Variants in MTRR observed in about 807,000 individuals in gnomAD.
The protein encoded by MTRR is methionine synthase reductase.
A neutral mutation model predicts 79.2 loss-of-function variants in MTRR; 63 were observed. The observed-to-expected ratio is 0.80, with a 90% CI of 0.65 to 0.98. The LOEUF is 0.98. Ranked by LOEUF, MTRR falls within the 50% of genes least tolerant of loss-of-function variation. The pLI is 0.00. For synonymous variants in MTRR, 355 were observed against 313.3 expected, an observed-to-expected ratio of 1.13 and a Z score of -1.41; for missense variants, 895 against 839.6, an observed-to-expected ratio of 1.07 and a Z score of -0.82.
chr5:7,873,713 G>C (rs911630607), intron 3 of MTRR, among the ~76,000 whole-genome samples, 187 bp downstream of exon 3: 4 of 152,234 alleles, frequency 2.6e-5, no homozygotes, highest in Non-Finnish European at 4.4e-5. Context: ...CTTTACCCCA[G>C]AGCCACACCT....
At position 7,873,503 on chromosome 5, in the gene MTRR, C is replaced by G; in HGVS notation, c.260C>G (p.Ala87Gly). The change falls in exon 3 of 15, where the codon GCT becomes GGT. Residue 87 changes from alanine to glycine, a missense_variant. Transcript: ENST00000440940. ...QNQTLPVDFF[A>G]HLRYGLLGLG... is the part of the protein sequence containing the mutation. The stretch of plus-strand genomic sequence containing the variant: ...CAAACACTGCCGGTTGATTTCTTTG[C>G]TCACCTGCGGTATGGGTTACTGGGT... 2 of 1,614,168 alleles carry G rather than the reference C, an allele frequency of 1.2e-6. No individual in the cohort carries two copies. Among genetic ancestry groups the G allele is most frequent in the Non-Finnish European group, 1.7e-6 (2 of 1,180,032 alleles).
At chr5:7,858,238 C>T (rs1746310709) in intron 1 of MTRR, among the ~76,000 whole-genome samples, 1 of 152,174 alleles carries the variant, frequency 6.6e-6, no homozygotes, top group Non-Finnish European at 1.5e-5. Flanking sequence ...AAAGGGGTTT[C>T]TGAGGCCTGA....
rs1318273666 is a variant in MTRR, at chr5:7,873,520, T to C, written c.277T>C (p.Leu93=). The C allele has an allele frequency of 2.5e-6, 4 of 1,614,140 alleles. No individual in the cohort carries two copies. In the South Asian group the frequency reaches 4.4e-5, roughly 18 times the overall value. ...TTTCTTTGCTCACCTGCGGTATGGG[T>C]TACTGGGTAATGGACTCTCTCTTCT... The part of the protein sequence containing the change: ...VDFFAHLRYG[L]LGLGDSEYTY... The change falls in exon 3 of 15, where the codon TTA becomes CTA. Residue 93 remains leucine, a synonymous_variant. Transcript: ENST00000440940.
rs961373750 is a variant in MTRR, at chr5:7,878,244, A to G, written c.702A>G (p.Pro234=). Residue 234 remains proline (P), a synonymous_variant, in exon 5 of 15, where the codon CCA becomes CCG. Transcript: ENST00000440940. ...CCTCACTTACCCGTTCGGTACCCCC[A>G]CTCTCACAAGCCTCTCTGAATATTC... ...FESSLTRSVP[P]LSQASLNIPG... 5.0e-6 allele frequency: 8 copies of G among 1,613,954 alleles called. No homozygotes were observed. The highest frequency in any genetic ancestry group is 6.8e-6 in the Non-Finnish European group (8 of 1,179,980).
intron 8 of MTRR, among the ~76,000 whole-genome samples, chr5:7,887,974 A>G (rs928720561): frequency 6.6e-6 from 1 of 151,786 alleles, no homozygotes; most frequent in African/African-American, 2.4e-5. Context: ...TCCATATTAT[A>G]TGTGCTGTTC....
chr5:7,866,546 GA>G (rs1746963276), upstream of MTRR: 1 of 900,448 alleles, frequency 1.1e-6, no homozygotes, highest in Non-Finnish European at 1.7e-6. Context: ...CACTATGGAA[GA>G]AAAACTAAAG....
In MTRR at chr5:7,872,435, G is replaced by A. The variant is rs1381887368; in HGVS notation, c.130-938G>A. ...ATTCTCAGAGTTAAGACAGTGAAAT[G>A]CTCTATATGAAATATTTAAACTTAC... is the stretch of plus-strand genomic sequence containing the variant. On this transcript the variant is annotated intron_variant, in intron 2 of 14. Transcript: ENST00000440940. 3 of 255,130 alleles carry A rather than the reference G, an allele frequency of 1.2e-5. No homozygotes were observed. In the East Asian group the frequency reaches 3.2e-4, roughly 27 times the overall value. The allele number at this position is 255,130 out of a possible 1,614,324, so 15.8% of individuals were successfully genotyped here. A position where few individuals can be genotyped will look rare whatever the true frequency, so the allele number is the denominator to read the frequency against.
chr5:7,881,185 G>C (rs1050136748), intron 5 of MTRR, among the ~76,000 whole-genome samples: 1 of 151,998 alleles, frequency 6.6e-6, no homozygotes, highest in Admixed American at 6.5e-5. Flanking sequence ...TCTGTGTTCT[G>C]CCCTCCTCAA....
At chr5:7,855,153 G>A (rs1045609191) in intron 1 of MTRR, among the ~76,000 whole-genome samples, 19 of 152,144 alleles carry the variant, frequency 1.2e-4, no homozygotes, top group African/African-American at 4.1e-4. Flanking sequence ...GACTTCAGTG[G>A]TAGAATCTCT....
At chr5:7,877,264 A>G (rs1424851094) in intron 4 of MTRR, among the ~76,000 whole-genome samples, 1 of 152,224 alleles carries the variant, frequency 6.6e-6, no homozygotes, top group Non-Finnish European at 1.5e-5. Context: ...ATAATTTGTT[A>G]GTAGTAGGTG....
At position 7,870,923 on chromosome 5, in the gene MTRR, G is replaced by C; in HGVS notation, c.129G>C (p.Lys43Asn). ...ADLHCISESD[K>N]YDLKTETAPL... ...TTCACTGTATTAGTGAATCCGATAA[G>C]GTTAGAGCCGTTACAGTGGATTTTA... The change falls in exon 2 of 15, where the codon AAG (lysine) becomes AAC (asparagine). Residue 43 changes from lysine to asparagine, a missense_variant and splice_region_variant. Physicochemically the swap from Lys to Asn is moderately conservative, Grantham distance 94. Transcript: ENST00000440940. 6.2e-7 allele frequency: 1 copy of C among 1,614,174 alleles called. No homozygotes were observed. Among genetic ancestry groups the C allele is most frequent in the Non-Finnish European group, 8.5e-7 (1 of 1,180,018 alleles).
chr5:7,857,714 C>G (rs746001571), intron 1 of MTRR, among the ~76,000 whole-genome samples: 3 of 152,236 alleles, frequency 2.0e-5, no homozygotes, highest in Non-Finnish European at 4.4e-5. Context: ...TTTCAAGCCC[C>G]TCAAGGGCAG....
At chr5:7,851,816 T>C (rs1746087661) in intron 1 of MTRR, among the ~76,000 whole-genome samples, 1 of 152,054 alleles carries the variant, frequency 6.6e-6, no homozygotes, top group South Asian at 2.1e-4. Flanking sequence ...GTTCCGTTTG[T>C]TGAAAATGTG....
In MTRR at chr5:7,889,298, A is replaced by C. The variant is rs1248728244; in HGVS notation, c.1327+23A>C. Reference sequence around the variant, plus strand: ...TCGGTGAGTAGTCGCTTTCACAAGCACCTTGGTGGCTGTTCGTGCACTGGT... The same window carrying C: ...TCGGTGAGTAGTCGCTTTCACAAGCCCCTTGGTGGCTGTTCGTGCACTGGT... On this transcript the variant is annotated intron_variant, in intron 9 of 14. Transcript: ENST00000440940. 2.5e-6 allele frequency: 4 copies of C among 1,612,044 alleles called. No individual in the cohort carries two copies. In the Admixed American group the frequency reaches 5.0e-5, roughly 20 times the overall value.
chr5:7,868,204 A>G (rs979094922), upstream of MTRR: 23 of 149,168 alleles, frequency 1.5e-4, no homozygotes, highest in African/African-American at 6.5e-3. Context: ...TATCTGGAAA[A>G]AAAAAAAAAA....
chr5:7,891,289 A>ATTTTTTTTTTTTTTTTTTTTTTTTT (rs71591748), intron 9 of MTRR, 83 bp from the exon 10 acceptor site: 3 of 365,288 alleles, frequency 8.2e-6, no homozygotes, highest in Non-Finnish European at 1.5e-5. Context: ...AAGACATGGA[A>ATTTTTTTTTTTTTTTTTTTTTTTTT]TTTTTTTTTT....
intron 11 of MTRR, among the ~76,000 whole-genome samples, chr5:7,895,255 G>T (rs1254082181): frequency 1.3e-5 from 2 of 152,224 alleles, no homozygotes; most frequent in Non-Finnish European, 2.9e-5. Flanking sequence ...ATTGGACCCA[G>T]AATAGCAAAT....
intron 2 of MTRR, among the ~76,000 whole-genome samples, chr5:7,862,284 G>A (rs936630363): frequency 1.3e-5 from 2 of 152,140 alleles, no homozygotes; most frequent in African/African-American, 4.8e-5. Flanking sequence ...TGCTGTCCAG[G>A]AGAAATTTCT....
chr5:7,885,321 G>C (rs528264548), intron 6 of MTRR: 75 of 211,504 alleles, frequency 3.5e-4, no homozygotes, highest in African/African-American at 1.8e-3. Context: ...TGGTCATAAT[G>C]TATGTTTTCG....
Sources: allele counts gnomAD v4.1 joint callset (sites outside exome capture counted in the v4.1 genomes callset), GRCh38; gene constraint gnomAD v4.1.1; transcripts MANE v1.5; gene names NCBI Gene and HGNC (gene_info 2026-07-23, HGNC 2026-07-21).